The following GABRG3 variants were observed in gnomAD, a reference collection of about 807,000 sequenced individuals.
GABRG3 encodes gamma-aminobutyric acid receptor subunit gamma-3.
Under a neutral mutation model 48.8 loss-of-function variants are expected in GABRG3, and 25 were observed. The ratio of observed to expected loss-of-function variants is 0.51; its 90% CI spans 0.37 to 0.72. The LOEUF (loss-of-function observed/expected upper bound fraction) is 0.72, where lower values mean the gene tolerates loss of function less well. Ranked by LOEUF, GABRG3 falls within the 30% of genes least tolerant of loss-of-function variation. The pLI is 0.00. For missense variants in GABRG3, 394 were observed against 577.9 expected, an observed-to-expected ratio of 0.68 and a Z score of 3.26; for synonymous variants, 227 against 217.6, an observed-to-expected ratio of 1.04 and a Z score of -0.38.
At chr15:27,038,120 G>A (rs937311737) in intron 3 of GABRG3, among the ~76,000 whole-genome samples, 18 of 152,092 alleles carry the variant, frequency 1.2e-4, no homozygotes, top group South Asian at 6.2e-4. Context: ...ATCTCAGTCC[G>A]GTTGGCCACT....
intron 3 of GABRG3, among the ~76,000 whole-genome samples, chr15:27,216,606 C>T (rs1215516113): frequency 1.3e-5 from 2 of 152,104 alleles, no homozygotes; most frequent in Non-Finnish European, 2.9e-5. Context: ...TCCTGGGAAT[C>T]GATCGTTAGT....
At chr15:27,251,961 G>A (rs1184014038) in intron 3 of GABRG3, among the ~76,000 whole-genome samples, 4 of 152,188 alleles carry the variant, frequency 2.6e-5, no homozygotes, top group African/African-American at 9.6e-5. Flanking sequence ...GTGAGCCTGC[G>A]GGGACTTACC....
intron 5 of GABRG3, among the ~76,000 whole-genome samples, chr15:27,393,379 A>G (rs1887207291): frequency 6.6e-6 from 1 of 151,856 alleles, no homozygotes; most frequent in African/African-American, 2.4e-5. Flanking sequence ...AAAAGAAAAG[A>G]ATCAGGACAT....
At chr15:27,527,831 C>T (rs41276932) in intron 8 of GABRG3, 102 bp from the exon 9 acceptor site, 15,359 of 1,032,562 alleles carry the variant, frequency 0.015, 191 homozygotes, top group Non-Finnish European at 0.018. Flanking sequence ...CTACCGGTGA[C>T]GTGGCTTGGT....
At chr15:27,499,806 T>C (rs1464027301) in intron 6 of GABRG3, among the ~76,000 whole-genome samples, 2 of 152,178 alleles carry the variant, frequency 1.3e-5, no homozygotes, top group African/African-American at 4.8e-5. Flanking sequence ...GAATTCTCCA[T>C]AAGCAGATGT....
intron 5 of GABRG3, among the ~76,000 whole-genome samples, chr15:27,451,764 A>G (rs1889119784): frequency 6.6e-6 from 1 of 152,180 alleles, no homozygotes; most frequent in African/African-American, 2.4e-5. Context: ...GGATTGGGGG[A>G]AAATATCTGC....
intron 3 of GABRG3, among the ~76,000 whole-genome samples, chr15:27,266,167 A>G (rs910389492): frequency 1.4e-5 from 2 of 147,166 alleles, no homozygotes; most frequent in Non-Finnish European, 3.0e-5. Context: ...GGCGTGAGCC[A>G]TCACACCTGG....
chr15:27,386,795 A>G (rs553720678), intron 5 of GABRG3, among the ~76,000 whole-genome samples: 1 of 152,284 alleles, frequency 6.6e-6, no homozygotes, highest in Admixed American at 6.5e-5. Flanking sequence ...CCTTTGGCCA[A>G]TATCTAGACA....
intron 3 of GABRG3, among the ~76,000 whole-genome samples, chr15:27,316,584 G>A (rs1316095671): frequency 6.6e-6 from 1 of 152,122 alleles, no homozygotes; most frequent in Non-Finnish European, 1.5e-5. Context: ...AACTGCTCAT[G>A]ATTTAAAGTG....
intron 3 of GABRG3, among the ~76,000 whole-genome samples, chr15:27,170,098 A>G (rs1887515018): frequency 1.3e-5 from 2 of 152,356 alleles, no homozygotes; most frequent in Admixed American, 6.5e-5. Flanking sequence ...AAGGAAAATT[A>G]TACCTTGGAT....
intron 5 of GABRG3, among the ~76,000 whole-genome samples, chr15:27,466,812 A>G (rs1241249924): frequency 6.6e-6 from 1 of 152,198 alleles, no homozygotes; most frequent in Non-Finnish European, 1.5e-5. Flanking sequence ...AAGCCTCCCC[A>G]CCACCCTCTT....
intron 5 of GABRG3, among the ~76,000 whole-genome samples, chr15:27,391,419 A>G: frequency 6.6e-6 from 1 of 152,176 alleles, no homozygotes; most frequent in Non-Finnish European, 1.5e-5. Flanking sequence ...GAACTACAAA[A>G]GACTTCAGAA....
intron 5 of GABRG3, among the ~76,000 whole-genome samples, chr15:27,427,767 G>A (rs1013952719): frequency 2.6e-5 from 4 of 152,130 alleles, no homozygotes; most frequent in African/African-American, 9.7e-5. Flanking sequence ...TCTTCAGTAT[G>A]TTGGAAATTT....
intron 5 of GABRG3, among the ~76,000 whole-genome samples, chr15:27,423,255 A>C (rs1023430023): frequency 2.7e-5 from 4 of 150,892 alleles, no homozygotes; most frequent in Middle Eastern, 3.2e-3. Flanking sequence ...AAAAAAAAAA[A>C]AAAAAAAAAA....
chr15:27,252,808 G>T (rs1890502277), intron 3 of GABRG3, among the ~76,000 whole-genome samples: 1 of 152,170 alleles, frequency 6.6e-6, no homozygotes, highest in African/African-American at 2.4e-5. Flanking sequence ...TCCGTGTCTG[G>T]AGGATTTTGT....
At chr15:27,394,752 T>C (rs929211224) in intron 5 of GABRG3, among the ~76,000 whole-genome samples, 2 of 152,216 alleles carry the variant, frequency 1.3e-5, no homozygotes, top group African/African-American at 4.8e-5. Flanking sequence ...CTTTTTCTTA[T>C]GACAGTGTTA....
At chr15:27,125,224 G>A (rs1028107900) in intron 3 of GABRG3, among the ~76,000 whole-genome samples, 1 of 152,150 alleles carries the variant, frequency 6.6e-6, no homozygotes, top group African/African-American at 2.4e-5. Context: ...TCAAAGATAG[G>A]TAAAGAAATA....
At chr15:27,010,833 T>TTTTG (rs888019555) in intron 2 of GABRG3, among the ~76,000 whole-genome samples, 16 of 151,992 alleles carry the variant, frequency 1.1e-4, no homozygotes, top group Non-Finnish European at 4.4e-5. Context: ...CTGAGGTTGT[T>TTTTG]TTTGTTTGTT....
At chr15:27,215,204 T>C (rs1439568346) in intron 3 of GABRG3, among the ~76,000 whole-genome samples, 1 of 152,208 alleles carries the variant, frequency 6.6e-6, no homozygotes, top group African/African-American at 2.4e-5. Flanking sequence ...GTGAGAACTC[T>C]GAAGGAGGAA....
Sources: allele counts gnomAD v4.1 joint callset (sites outside exome capture counted in the v4.1 genomes callset), GRCh38; gene constraint gnomAD v4.1.1; transcripts MANE v1.5; gene names NCBI Gene and HGNC (gene_info 2026-07-23, HGNC 2026-07-21).